Variants in DPYD observed in about 807,000 individuals in gnomAD.
DPYD encodes dihydropyrimidine dehydrogenase [NADP(+)].
In DPYD, 109 loss-of-function variants were observed where a neutral mutation model predicts 116.2. The ratio of observed to expected loss-of-function variants is 0.94; its 90% CI spans 0.80 to 1.10. The LOEUF is 1.10. DPYD is among the 50% of genes least tolerant of loss of function. The pLI is 0.00. For synonymous variants in DPYD, 440 were observed against 432.0 expected (o/e 1.02, Z -0.23); for missense variants, 1,302 against 1,254.5 (o/e 1.04, Z -0.57).
chr1:97,436,000 T>C (rs112782275), intron 14 of DPYD, among the ~76,000 whole-genome samples: 2,998 of 152,174 alleles, frequency 0.02, 36 homozygotes, highest in South Asian at 0.041. Context: ...TTTAAGCCTC[T>C]CATAAAACAG....
rs1296765732 is a variant in DPYD, at chr1:97,085,605, G to T, written c.2767-3135C>A. 2.0e-5 allele frequency among the ~76,000 whole-genome samples: 3 copies of T among 151,976 alleles called. No homozygotes were observed. In the East Asian group the frequency reaches 5.8e-4, roughly 29 times the overall value. Reference sequence around the variant, plus strand: ...GTAGCAAAAAAAATTATTCCATGTGGCTAAGAATGTGGACATTTGTTTTAA... The same window carrying T: ...GTAGCAAAAAAAATTATTCCATGTGTCTAAGAATGTGGACATTTGTTTTAA... On this transcript the variant is annotated intron_variant, in intron 21 of 22. Coordinates refer to ENST00000370192, the MANE Select transcript of DPYD (RefSeq NM_000110.4).
rs539761883 is a variant in DPYD, at chr1:97,688,812, C to A, written c.762+2905G>T. On this transcript the variant is annotated intron_variant, in intron 7 of 22. Coordinates refer to ENST00000370192, the MANE Select transcript of DPYD (RefSeq NM_000110.4). ...CAAGAAAAATTTTAAAAATACTAAC[C>A]AATTGAATCTGAATTACATGTACAG... Among the ~76,000 whole-genome samples, 40 of 151,636 alleles carry A rather than the reference C, an allele frequency of 2.6e-4. No homozygotes were observed. In the East Asian group the frequency reaches 7.5e-3, roughly 29 times the overall value.
intron 19 of DPYD, among the ~76,000 whole-genome samples, chr1:97,220,280 C>A (rs1660696309): frequency 6.6e-6 from 1 of 152,160 alleles, no homozygotes; most frequent in African/African-American, 2.4e-5. Flanking sequence ...TTAGCAAGCA[C>A]AGGCCCCTCA....
intron 20 of DPYD, among the ~76,000 whole-genome samples, chr1:97,128,840 T>C (rs1244489654): frequency 6.6e-6 from 1 of 152,158 alleles, no homozygotes; most frequent in Non-Finnish European, 1.5e-5. Flanking sequence ...CCTGAAACAA[T>C]ATTTGAATAC....
At chr1:97,435,952 A>T (rs1675447407) in intron 14 of DPYD, among the ~76,000 whole-genome samples, 1 of 152,036 alleles carries the variant, frequency 6.6e-6, no homozygotes, top group South Asian at 2.1e-4. Flanking sequence ...TACTTGTAGC[A>T]TATTCTGCTA....
chr1:97,389,864 C>CAA (rs11406485), intron 14 of DPYD, among the ~76,000 whole-genome samples: 26,841 of 142,394 alleles, frequency 0.19, 2,823 homozygotes, highest in Non-Finnish European at 0.25. Context: ...GCTTATTTGG[C>CAA]AAAAAAAAAA....
rs546145426 is a variant in DPYD at position 97,430,609 on chromosome 1, C to T, written c.1905+19450G>A. Reference sequence around the variant, plus strand: ...GTCTTGGGAAAAAAAAAAATGTCCTCTTTCACGTGAATTTTAATAAAATAC... The same window carrying T: ...GTCTTGGGAAAAAAAAAAATGTCCTTTTTCACGTGAATTTTAATAAAATAC... On this transcript the variant is annotated intron_variant, in intron 14 of 22. Coordinates refer to ENST00000370192, the MANE Select transcript of DPYD (RefSeq NM_000110.4). Among the ~76,000 whole-genome samples the T allele has an allele frequency of 3.3e-5, 5 of 151,520 alleles. No homozygotes were observed. In the East Asian group the frequency reaches 9.7e-4, roughly 29 times the overall value.
chr1:97,236,625 T>C (rs985388669), intron 18 of DPYD, among the ~76,000 whole-genome samples: 4 of 152,126 alleles, frequency 2.6e-5, no homozygotes, highest in African/African-American at 9.7e-5. Context: ...TATACTATAA[T>C]GGTGGATGCA....
intron 12 of DPYD, among the ~76,000 whole-genome samples, chr1:97,536,778 C>A (rs191664292): frequency 6.6e-6 from 1 of 152,296 alleles, no homozygotes; most frequent in Non-Finnish European, 1.5e-5. Context: ...CTCTTGGCTA[C>A]CCATTCATCT....
intron 3 of DPYD, among the ~76,000 whole-genome samples, chr1:97,751,474 A>ATG (rs1557933330): frequency 8.5e-6 from 1 of 117,016 alleles, no homozygotes; most frequent in Non-Finnish European, 1.8e-5. Context: ...ATATATATAT[A>ATG]TATATATATA....
intron 2 of DPYD, among the ~76,000 whole-genome samples, chr1:97,840,211 T>C (rs896552139): frequency 1.2e-4 from 18 of 152,010 alleles, no homozygotes; most frequent in Admixed American, 7.9e-4. Context: ...CAATAAAGTA[T>C]TGAAAATTAT....
At chr1:97,473,042 C>A (rs981657562) in intron 13 of DPYD, among the ~76,000 whole-genome samples, 1 of 152,116 alleles carries the variant, frequency 6.6e-6, no homozygotes, top group Non-Finnish European at 1.5e-5. Flanking sequence ...ATTATAGTCA[C>A]CATCCTGTAT....
chr1:97,368,506 A>C (rs1292548806), intron 16 of DPYD, among the ~76,000 whole-genome samples: 1 of 152,302 alleles, frequency 6.6e-6, no homozygotes, highest in East Asian at 1.9e-4. Context: ...CCTGTGGAGC[A>C]TGCTGCATCT....
intron 1 of DPYD, among the ~76,000 whole-genome samples, chr1:97,914,863 A>G (rs1674138770): frequency 1.3e-5 from 2 of 152,174 alleles, no homozygotes; most frequent in Non-Finnish European, 2.9e-5. Context: ...CAACATTTAT[A>G]AATCTATAAT....
At chr1:97,816,535 T>C (rs1668617179) in intron 3 of DPYD, among the ~76,000 whole-genome samples, 1 of 152,150 alleles carries the variant, frequency 6.6e-6, no homozygotes, top group South Asian at 2.1e-4. Context: ...CTTAAAAGAA[T>C]CATAAATAAA....
At position 97,331,951 on chromosome 1, in the gene DPYD, T is replaced by G. The variant is rs574759534; in HGVS notation, c.2059-25654A>C. Among the ~76,000 whole-genome samples, 179 of 152,342 alleles carry G rather than the reference T, an allele frequency of 1.2e-3. 1 individual carries two copies. Among genetic ancestry groups the G allele is most frequent in the Non-Finnish European group, 2.3e-3 (154 of 68,022 alleles). On this transcript the variant is annotated intron_variant, in intron 16 of 22. Transcript: ENST00000370192. ...GATATTCTCATCACTGTTTTATCTATTATCCAGAAACTTTTACCTTAGAAG... is the reference window on the plus strand; with the variant it reads ...GATATTCTCATCACTGTTTTATCTAGTATCCAGAAACTTTTACCTTAGAAG...
chr1:97,117,475 T>A (rs904780186), intron 20 of DPYD, among the ~76,000 whole-genome samples: 1 of 152,228 alleles, frequency 6.6e-6, no homozygotes, highest in African/African-American at 2.4e-5. Context: ...TCTTATGTAC[T>A]AATTCAACCT....
intron 20 of DPYD, among the ~76,000 whole-genome samples, chr1:97,139,965 C>G (rs1023894599): frequency 6.6e-6 from 1 of 151,880 alleles, no homozygotes; most frequent in Non-Finnish European, 1.5e-5. Flanking sequence ...AGCCAAGTGA[C>G]AGAAGACACT....
At chr1:97,189,815 C>G (rs1301869637) in intron 20 of DPYD, among the ~76,000 whole-genome samples, 1 of 152,060 alleles carries the variant, frequency 6.6e-6, no homozygotes, top group African/African-American at 2.4e-5. Context: ...CTCTCCAGCC[C>G]CAGCAAGGTG....
Sources: allele counts gnomAD v4.1 joint callset (sites outside exome capture counted in the v4.1 genomes callset), GRCh38; gene constraint gnomAD v4.1.1; transcripts MANE v1.5; gene names NCBI Gene and HGNC (gene_info 2026-07-23, HGNC 2026-07-21).